Variants in SEMA6C observed in about 807,000 individuals in gnomAD.
The protein encoded by SEMA6C is semaphorin-6C.
SEMA6C carries 37 observed loss-of-function variants against 72.9 expected under a neutral mutation model. That is an observed-to-expected ratio of 0.51 (90% CI 0.39 to 0.67). The LOEUF is 0.67. Ranked by LOEUF, SEMA6C falls within the 30% of genes least tolerant of loss-of-function variation. The pLI, the probability that SEMA6C is intolerant of heterozygous loss-of-function variation, is 0.00. For synonymous variants in SEMA6C, 578 were observed against 554.1 expected (o/e 1.04, Z -0.61); for missense variants, 1,189 against 1,263.6 (o/e 0.94, Z 0.89).
Position 151,137,172 on chromosome 1 carries a change from G to A in SEMA6C, c.757-98C>T, listed in dbSNP as rs186489310. The stretch of plus-strand genomic sequence containing the variant: ...AGTTAAGAGCAGTAAGGGGCTGGGC[G>A]CGGTGGCTCACGCCTGTAATCCCAA... On this transcript the variant is annotated intron_variant, in intron 10 of 18. Transcript: ENST00000368914. The A allele has an allele frequency of 1.0e-4, 111 of 1,063,948 alleles. No homozygotes were observed. The East Asian group carries it at 1.9e-3, about 18-fold the overall frequency. 65.9% of individuals were successfully genotyped at this position (1,063,948 alleles called of 1,614,324 possible).
chr1:151,136,775 C>T, intron 11 of SEMA6C, 82 bp downstream of exon 11: 1 of 1,423,432 alleles, frequency 7.0e-7, no homozygotes, highest in Non-Finnish European at 9.8e-7. Context: ...TTAACTGCCC[C>T]ATCAGTAGGC....
intron 13 of SEMA6C, 121 bp downstream of exon 13, chr1:151,135,890 T>G: frequency 2.0e-6 from 3 of 1,523,472 alleles, no homozygotes; most frequent in Admixed American, 3.7e-5. Context: ...CCTTCTTAGC[T>G]CTCTCCCTTC....
intron 2 of SEMA6C, 105 bp from the exon 3 acceptor site, chr1:151,142,780 GT>G (rs1682657261): frequency 3.4e-6 from 2 of 593,026 alleles, no homozygotes; most frequent in Non-Finnish European, 5.9e-6. Context: ...ACCCTGTGGG[GT>G]GGGGGAAAAG....
chr1:151,133,266 C>T lies in SEMA6C; in HGVS notation c.2011G>A (p.Gly671Arg), dbSNP rs759068777. The change falls in exon 19 of 19, where the codon GGG (glycine) becomes AGG (arginine). Residue 671 changes from glycine (G) to arginine (R), a missense_variant. By Grantham distance (125) the Gly-to-Arg change is moderately radical (BLOSUM62 -2). Transcript: ENST00000368914. The surrounding 1 kb of genome is among the most constrained non-coding windows in gnomAD (Gnocchi z 5.9). ...GPEPPPPSKD[G>R]DAVQTPQLYT... ...AGCTGCGGCGTCTGCACCGCGTCCC[C>T]GTCCTTGGAGGGCGGCGGGGGCTCT... 25 of 1,579,920 alleles carry T rather than the reference C, an allele frequency of 1.6e-5. No homozygotes were observed. The highest frequency in any genetic ancestry group is 2.1e-5 in the Non-Finnish European group (24 of 1,167,816).
In SEMA6C at chr1:151,145,593, A is replaced by AGGGGCCGGTAGCAGAGTCTGGGCC. The variant is rs1682871320; in HGVS notation, c.-105+816_-105+839dup. On this transcript the variant is annotated intron_variant, in intron 1 of 18. Coordinates refer to ENST00000368914, the MANE Select transcript of SEMA6C (RefSeq NM_030913.6). The surrounding 1 kb of genome is among the most constrained non-coding windows in gnomAD (Gnocchi z 4.4). Reference sequence around the variant, plus strand: ...CCTCACCGGATCCGGGGCTCCGAGGAGGGGCCGGTAGCAGAGTCTGGGCCG... The same window carrying AGGGGCCGGTAGCAGAGTCTGGGCC: ...CCTCACCGGATCCGGGGCTCCGAGGAGGGGCCGGTAGCAGAGTCTGGGCCGGGGCCGGTAGCAGAGTCTGGGCCG... The AGGGGCCGGTAGCAGAGTCTGGGCC allele has an allele frequency of 6.5e-6, 1 of 152,908 alleles. No homozygotes were observed. The highest frequency in any genetic ancestry group is 1.5e-5 in the Non-Finnish European group (1 of 68,588). The allele number at this position is 152,908 out of a possible 1,614,324, so 9.5% of individuals were successfully genotyped here.
rs1175074705 is a variant in SEMA6C at position 151,132,609 on chromosome 1, C to T, written c.2668G>A (p.Glu890Lys). 3.9e-6 allele frequency: 6 copies of T among 1,551,232 alleles called. No individual in the cohort carries two copies. The highest frequency in any genetic ancestry group is 2.4e-5 in the South Asian group (2 of 84,138). ...TTCAGGGCGCGGCCCCGGTAGCCCT[C>T]GGGCCGGCCCAGGTACAGGAGGTGC... is the stretch of plus-strand genomic sequence containing the variant. ...GKHLLYLGRP[E>K]GYRGRALKRV... The change falls in exon 19 of 19, where the codon GAG (glutamate) becomes AAG (lysine). Residue 890 changes from glutamate to lysine, a missense_variant. Physicochemically the swap from Glu to Lys is moderately conservative, Grantham distance 56 (BLOSUM62 1). Coordinates refer to ENST00000368914, the MANE Select transcript of SEMA6C (RefSeq NM_030913.6).
intron 2 of SEMA6C, among the ~76,000 whole-genome samples, chr1:151,142,878 G>A (rs929261241): frequency 6.6e-6 from 1 of 152,140 alleles, no homozygotes; most frequent in African/African-American, 2.4e-5. Context: ...AAACTGGCTG[G>A]TGTGAGGCCT....
Position 151,133,339 on chromosome 1 carries a change from C to T in SEMA6C, c.1938G>A (p.Pro646=). Residue 646 remains proline (P), a synonymous_variant, in exon 19 of 19, where the codon CCG becomes CCA. Transcript: ENST00000368914. This position sits in a 1 kb window ranked among gnomAD's most constrained non-coding sequence, Gnocchi z 5.9. The part of the protein sequence containing the change: ...RGKDIETPGL[P]RPLSLRSLAR... ...CCAAACTGCGGAGGGAGAGAGGGCG[C>T]GGGAGCCCCGGAGTCTCGATGTCCT... 6.3e-7 allele frequency: 1 copy of T among 1,596,120 alleles called. No homozygotes were observed. Among genetic ancestry groups the T allele is most frequent in the African/African-American group, 1.3e-5 (1 of 74,624 alleles).
At chr1:151,135,039 G>C (rs1442660483) in intron 15 of SEMA6C, 124 bp downstream of exon 15, 1 of 1,435,860 alleles carries the variant, frequency 7.0e-7, no homozygotes, top group Non-Finnish European at 9.6e-7. Context: ...CAGAATGCTT[G>C]AGGTACCTAG....
Position 151,136,932 on chromosome 1 carries a change from A to T in SEMA6C, c.899T>A (p.Leu300Ter). 6.2e-7 allele frequency: 1 copy of T among 1,614,162 alleles called. No individual in the cohort carries two copies. Among genetic ancestry groups the T allele is most frequent in the Non-Finnish European group, 8.5e-7 (1 of 1,180,026 alleles). Residue 300 changes from leucine to a stop codon, truncating the protein, a stop_gained, in exon 11 of 19, where the codon TTA (leucine) becomes TAA (stop). Coordinates refer to ENST00000368914, the MANE Select transcript of SEMA6C (RefSeq NM_030913.6). LOFTEE classifies it high-confidence loss of function. ...PGDSTFYFDV[L>*]QALTGPVNLH... is the part of the protein sequence containing the mutation. ...GTTCACAGGCCCAGTCAAGGCCTGT[A>T]AAACATCAAAATAGAAAGTAGAGTC...
At chr1:151,140,972 T>C (rs587773595) in intron 3 of SEMA6C, among the ~76,000 whole-genome samples, 1 of 148,420 alleles carries the variant, frequency 6.7e-6, no homozygotes, top group Non-Finnish European at 1.5e-5. Flanking sequence ...CACTCTAGCC[T>C]GGGCAACAGT....
rs374221914 is a variant in SEMA6C at position 151,138,138 on chromosome 1, G to C, written c.548-33C>G. The C allele has an allele frequency of 2.5e-6, 4 of 1,610,542 alleles. No homozygotes were observed. The African/African-American group carries it at 5.3e-5, about 22-fold the overall frequency. On this transcript the variant is annotated intron_variant, in intron 8 of 18. Coordinates refer to ENST00000368914, the MANE Select transcript of SEMA6C (RefSeq NM_030913.6). ...GATGGGTGGAGTGGGGTCAGGGGAG[G>C]GCTCAGGGATCTGTATCCTGCCTCT...
chr1:151,139,545 C>T, intron 5 of SEMA6C, 64 bp from the exon 6 acceptor site: 3 of 1,602,530 alleles, frequency 1.9e-6, no homozygotes, highest in Non-Finnish European at 1.7e-6. Flanking sequence ...CATTATGGCT[C>T]CTTTTAGATT....
intron 4 of SEMA6C, 106 bp downstream of exon 4, chr1:151,139,870 G>A: frequency 1.6e-6 from 2 of 1,260,388 alleles, no homozygotes; most frequent in South Asian, 1.3e-5. Context: ...CCCGTGGCTT[G>A]TGCACCTGCA....
At chr1:151,143,489 C>T (rs994534113) in intron 2 of SEMA6C, among the ~76,000 whole-genome samples, 2 of 152,128 alleles carry the variant, frequency 1.3e-5, no homozygotes, top group African/African-American at 4.8e-5. Flanking sequence ...AAGAGCAGAC[C>T]CACCCCCTAT....
In SEMA6C at chr1:151,131,998, C is replaced by T. The variant is rs956743632; in HGVS notation, c.*486G>A. On this transcript the variant is annotated 3_prime_UTR_variant, in exon 19 of 19. Coordinates refer to ENST00000368914, the MANE Select transcript of SEMA6C (RefSeq NM_030913.6). ...CAGATGAAGGCAGAGAGCGAGGGCG[C>T]CCAGAGCGAGCCGACCGACTGCCGC... The T allele has an allele frequency of 3.1e-6, 1 of 325,724 alleles. No individual in the cohort carries two copies. Among genetic ancestry groups the T allele is most frequent in the Non-Finnish European group, 5.9e-6 (1 of 169,758 alleles). The allele number at this position is 325,724 out of a possible 1,614,324, so 20.2% of individuals were successfully genotyped here.
chr1:151,139,734 A>C, intron 4 of SEMA6C, 33 bp from the exon 5 acceptor site: 1 of 1,559,948 alleles, frequency 6.4e-7, no homozygotes, highest in Non-Finnish European at 8.7e-7. Context: ...GTCAGAGCCT[A>C]GTCAAGGCAC....
chr1:151,142,760 T>TC (rs1682655864), intron 2 of SEMA6C, 85 bp from the exon 3 acceptor site: 1 of 647,070 alleles, frequency 1.5e-6, no homozygotes, highest in Non-Finnish European at 2.6e-6. Context: ...TCCTGGTGTA[T>TC]CCCCAGAAGA....
At position 151,135,205 on chromosome 1, in the gene SEMA6C, T is replaced by C. The variant is rs1306096457; in HGVS notation, c.1538A>G (p.Tyr513Cys). 2 of 1,613,596 alleles carry C rather than the reference T, an allele frequency of 1.2e-6. No individual in the cohort carries two copies. Among genetic ancestry groups the C allele is most frequent in the South Asian group, 2.2e-5 (2 of 91,062 alleles). ...LFVAFSGCIV[Y>C]LPLSRCARHG... ...CCGGGCACACCGGCTGAGAGGGAGG[T>C]AGACAATACAGCCAGAAAAAGCCAC... Residue 513 changes from tyrosine to cysteine, a missense_variant, in exon 15 of 19, where the codon TAC (tyrosine) becomes TGC (cysteine). This residue lies in a region of SEMA6C where 721 missense variants were observed against 686.2 expected (regional missense o/e 1.05). Transcript: ENST00000368914.
Sources: gnomAD v4.1 joint callset for allele counts (sites outside exome capture counted in the v4.1 genomes callset) on GRCh38, gnomAD v4.1.1 for gene constraint, gnomAD v4.1.1 regional missense constraint, Gnocchi (gnomAD v3.1) non-coding constraint, MANE v1.5 for transcripts, NCBI Gene and HGNC (gene_info 2026-07-23, HGNC 2026-07-21) for gene names.